DCAF8L2: variants seen among roughly 807,000 people sequenced by gnomAD.
DCAF8L2 encodes DDB1 and CUL4 associated factor 8 like 2.
For missense variants in DCAF8L2, 430 were observed against 490.7 expected (o/e 0.88, Z 1.17); for synonymous variants, 200 against 190.9 (o/e 1.05, Z -0.39).
chrX:27,548,461 A>G, the DCAF8L2 span, among the ~76,000 whole-genome samples: 2 of 111,897 alleles, frequency 1.8e-5, no homozygotes, highest in Middle Eastern at 4.7e-3. Flanking sequence ...AAATAGCTAT[A>G]CTATTGTCAA....
At chrX:27,744,359 C>T (rs1161362944) in intron 4 of DCAF8L2, among the ~76,000 whole-genome samples, 1 of 111,328 alleles carries the variant, frequency 9.0e-6, no homozygotes, top group Non-Finnish European at 1.9e-5. Context: ...CATCTGTCCA[C>T]TTGGCTAACT....
At chrX:27,688,469 A>G (rs1930588863) in intron 3 of DCAF8L2, among the ~76,000 whole-genome samples, 1 of 112,121 alleles carries the variant, frequency 8.9e-6, no homozygotes, top group Non-Finnish European at 1.9e-5. Flanking sequence ...TTGTATTCAT[A>G]CAATGGAAAT....
the DCAF8L2 span, among the ~76,000 whole-genome samples, chrX:27,557,880 G>A: frequency 2.7e-5 from 3 of 110,589 alleles, no homozygotes; most frequent in South Asian, 3.9e-4. Context: ...GGGAAAGAGC[G>A]CCTAGAAAAT....
intron 4 of DCAF8L2, among the ~76,000 whole-genome samples, chrX:27,732,672 T>C (rs1005556255): frequency 1.8e-5 from 2 of 111,408 alleles, no homozygotes; most frequent in Non-Finnish European, 3.8e-5. Context: ...TCTTGGATAC[T>C]ATGAAAAATG....
In DCAF8L2 at chrX:27,748,107, C is replaced by T. The variant is rs769018767; in HGVS notation, c.1212C>T (p.Asn404=). The change falls in exon 5 of 5, where the codon AAC becomes AAT. Residue 404 remains asparagine, a synonymous_variant. Coordinates refer to ENST00000451261, the MANE Select transcript of DCAF8L2 (RefSeq NM_001353450.2). The stretch of plus-strand genomic sequence containing the variant: ...AGAGGAAAATTGATAAGAAAGAAAA[C>T]AATGGCGTGCTCAAGAAATTCACTC... ...YDQRKIDKKE[N]NGVLKKFTPH... is the part of the protein sequence containing the mutation. The T allele has an allele frequency of 7.2e-5, 87 of 1,210,143 alleles. No homozygotes were observed. Among genetic ancestry groups the T allele is most frequent in the Non-Finnish European group, 9.6e-5 (86 of 895,186 alleles).
intron 1 of DCAF8L2, among the ~76,000 whole-genome samples, chrX:27,618,952 G>A (rs9306773): frequency 2.8e-5 from 3 of 108,346 alleles, no homozygotes; most frequent in Non-Finnish European, 5.7e-5. Flanking sequence ...TAATTAAGCC[G>A]ATCTCTTCTG....
At chrX:27,723,898 C>T (rs980919421) in intron 4 of DCAF8L2, among the ~76,000 whole-genome samples, 3 of 110,243 alleles carry the variant, frequency 2.7e-5, no homozygotes, top group South Asian at 7.5e-4. Context: ...ATGAGTATAG[C>T]GTTTATGTAC....
chrX:27,582,064 A>C, the DCAF8L2 span, among the ~76,000 whole-genome samples: 1 of 111,553 alleles, frequency 9.0e-6, no homozygotes, highest in African/African-American at 3.3e-5. Flanking sequence ...TTATTTATTC[A>C]TTCATTCCAA....
chrX:27,732,493 CGTGTGTGTGT>C (rs139652032), intron 4 of DCAF8L2, among the ~76,000 whole-genome samples: 2 of 84,172 alleles, frequency 2.4e-5, no homozygotes, highest in East Asian at 3.2e-4. Context: ...TGTGTGTGCG[CGTGTGTGTGT>C]GTGTGTGTGT....
At chrX:27,676,867 C>G (rs1194400954) in intron 2 of DCAF8L2, 2 of 111,686 alleles carry the variant, frequency 1.8e-5, no homozygotes, top group African/African-American at 6.5e-5. Flanking sequence ...TAGACTGGCT[C>G]TCTTTACCAG....
chrX:27,586,612 T>C (rs1387344632), upstream of DCAF8L2, among the ~76,000 whole-genome samples: 1 of 111,429 alleles, frequency 9.0e-6, no homozygotes, highest in Non-Finnish European at 1.9e-5. Context: ...TTAACGTGCT[T>C]TCCTGAAATT....
chrX:27,735,662 C>G (rs756366193), intron 4 of DCAF8L2, among the ~76,000 whole-genome samples: 1 of 111,832 alleles, frequency 8.9e-6, no homozygotes, highest in African/African-American at 3.3e-5. Context: ...CTACTTTCTA[C>G]CATACATGCA....
At chrX:27,623,611 A>C (rs1003810767) in intron 1 of DCAF8L2, among the ~76,000 whole-genome samples, 4 of 111,309 alleles carry the variant, frequency 3.6e-5, no homozygotes, top group Non-Finnish European at 7.5e-5. Context: ...CTTACTGCCT[A>C]CAAAAAAAAA....
the DCAF8L2 span, among the ~76,000 whole-genome samples, chrX:27,495,634 T>A: frequency 2.7e-5 from 3 of 112,175 alleles, no homozygotes; most frequent in African/African-American, 9.7e-5. Flanking sequence ...GCGGTTTCTC[T>A]TTTCAGATAT....
chrX:27,731,233 G>A (rs1921179047), intron 4 of DCAF8L2, among the ~76,000 whole-genome samples: 1 of 109,148 alleles, frequency 9.2e-6, no homozygotes, highest in Non-Finnish European at 1.9e-5. Flanking sequence ...GTGAAACCCT[G>A]TCTCTACTTA....
the DCAF8L2 span, among the ~76,000 whole-genome samples, chrX:27,475,943 C>T: frequency 9.0e-6 from 1 of 111,102 alleles, no homozygotes; most frequent in Non-Finnish European, 1.9e-5. Context: ...ACCCTCTGTC[C>T]CTCTCAAATC....
At chrX:27,493,825 A>G in the DCAF8L2 span, among the ~76,000 whole-genome samples, 2 of 109,001 alleles carry the variant, frequency 1.8e-5, no homozygotes, top group Admixed American at 9.8e-5. Context: ...CCTCTAATCT[A>G]TTTTCTGTTT....
intron 3 of DCAF8L2, among the ~76,000 whole-genome samples, chrX:27,703,346 A>T (rs1931203802): frequency 9.0e-6 from 1 of 111,193 alleles, no homozygotes; most frequent in African/African-American, 3.3e-5. Context: ...TTATATGGAA[A>T]TATAAGGGAC....
the DCAF8L2 span, among the ~76,000 whole-genome samples, chrX:27,548,082 G>A: frequency 1.8e-5 from 2 of 110,392 alleles, no homozygotes; most frequent in Non-Finnish European, 3.8e-5. Context: ...AGCAGTGTGA[G>A]AATGGACTAA....
Sources: gnomAD v4.1 joint callset for allele counts (sites outside exome capture counted in the v4.1 genomes callset) on GRCh38, gnomAD v4.1.1 for gene constraint, MANE v1.5 for transcripts, NCBI Gene and HGNC (gene_info 2026-07-23, HGNC 2026-07-21) for gene names.